OPCML: variants seen among roughly 807,000 people sequenced by gnomAD.
The protein encoded by OPCML is opioid-binding protein/cell adhesion molecule.
Under a neutral mutation model 37.8 loss-of-function variants are expected in OPCML, and 13 were observed. The ratio of observed to expected loss-of-function variants is 0.34; its 90% CI spans 0.22 to 0.55. The LOEUF is 0.55. Among genes scored for constraint, OPCML ranks in the 20% least tolerant of loss-of-function variants. The pLI, the probability that OPCML is intolerant of heterozygous loss-of-function variation, is 0.91. For missense variants in OPCML, 341 were observed against 435.6 expected, an observed-to-expected ratio of 0.78 and a Z score of 1.93; for synonymous variants, 176 against 168.8, an observed-to-expected ratio of 1.04 and a Z score of -0.33.
chr11:132,496,268 A>G (rs887696328), intron 4 of OPCML, among the ~76,000 whole-genome samples: 1 of 152,212 alleles, frequency 6.6e-6, no homozygotes, highest in Non-Finnish European at 1.5e-5. Flanking sequence ...TAAAAGTGCT[A>G]TATGTCTGAA....
intron 3 of OPCML, among the ~76,000 whole-genome samples, chr11:132,536,405 G>A (rs1243617480): frequency 3.3e-5 from 5 of 152,134 alleles, no homozygotes; most frequent in African/African-American, 1.2e-4. Context: ...AAGCCATTAA[G>A]TTTCAGCTTC....
intron 1 of OPCML, among the ~76,000 whole-genome samples, chr11:133,312,016 G>A (rs1287571309): frequency 1.3e-5 from 2 of 152,184 alleles, no homozygotes; most frequent in Non-Finnish European, 1.5e-5. Flanking sequence ...CTTATGTCAA[G>A]CTGAGCTGGC....
intron 1 of OPCML, among the ~76,000 whole-genome samples, chr11:133,097,206 A>G (rs1003870978): frequency 6.6e-6 from 1 of 152,224 alleles, no homozygotes; most frequent in Non-Finnish European, 1.5e-5. Context: ...GTGATCTCAC[A>G]TCAAAATGTA....
chr11:132,744,799 G>A (rs1421088583), intron 2 of OPCML, among the ~76,000 whole-genome samples: 2 of 152,246 alleles, frequency 1.3e-5, no homozygotes, highest in Non-Finnish European at 2.9e-5. Flanking sequence ...AAAATATAAA[G>A]TGGGGGAATG....
At chr11:132,546,802 C>T (rs540378354) in intron 3 of OPCML, among the ~76,000 whole-genome samples, 44 of 152,038 alleles carry the variant, frequency 2.9e-4, no homozygotes, top group African/African-American at 8.5e-4. Flanking sequence ...AGCACAGTGC[C>T]GGGGGTGGTG....
chr11:133,041,883 G>A (rs1278149661), intron 1 of OPCML, among the ~76,000 whole-genome samples: 1 of 152,132 alleles, frequency 6.6e-6, no homozygotes, highest in Non-Finnish European at 1.5e-5. Flanking sequence ...GGTGCTTAGA[G>A]CCCTCAAGAA....
At position 133,349,319 on chromosome 11, in the gene OPCML, T is replaced by C. The variant is rs1458172971; in HGVS notation, c.61+182945A>G. On this transcript the variant is annotated intron_variant, in intron 1 of 7. Transcript: ENST00000524381. ...TTTATAGACTTAGCAATGCACAGTT[T>C]TGAGGGAGATGTTTAACTTTTTAAG... is the stretch of plus-strand genomic sequence containing the variant. Among the ~76,000 whole-genome samples the C allele has an allele frequency of 2.0e-5, 3 of 152,248 alleles. No homozygotes were observed. The East Asian group carries it at 5.8e-4, about 29-fold the overall frequency.
In OPCML at chr11:132,875,904, C is replaced by T. The variant is rs1196977391; in HGVS notation, c.146+67022G>A. Among the ~76,000 whole-genome samples, 5 of 152,284 alleles carry T rather than the reference C, an allele frequency of 3.3e-5. No individual in the cohort carries two copies. The South Asian group carries it at 6.2e-4, about 19-fold the overall frequency. ...GACTTTCAAGCATCAACAACCATAT[C>T]GACATACAAACTGCATTATTGCAAC... On this transcript the variant is annotated intron_variant, in intron 2 of 7. Coordinates refer to ENST00000524381, the MANE Select transcript of OPCML (RefSeq NM_001012393.5).
At chr11:133,092,568 A>T (rs191869598) in intron 1 of OPCML, among the ~76,000 whole-genome samples, 161 of 152,244 alleles carry the variant, frequency 1.1e-3, no homozygotes, top group African/African-American at 3.6e-3. Flanking sequence ...TCTACTAAAA[A>T]TACAAAAATT....
chr11:132,426,728 G>A (rs1037584603), intron 7 of OPCML, among the ~76,000 whole-genome samples: 14 of 152,268 alleles, frequency 9.2e-5, no homozygotes, highest in African/African-American at 3.4e-4. Flanking sequence ...CACCACGCCT[G>A]GCCTAAACAT....
At chr11:132,984,981 C>T (rs1444977193) in intron 1 of OPCML, among the ~76,000 whole-genome samples, 1 of 152,264 alleles carries the variant, frequency 6.6e-6, no homozygotes, top group East Asian at 1.9e-4. Flanking sequence ...CGTAGAACAC[C>T]TGCTCCTTCC....
chr11:132,555,474 C>G (rs1047818275), intron 3 of OPCML, among the ~76,000 whole-genome samples: 11 of 152,146 alleles, frequency 7.2e-5, no homozygotes, highest in African/African-American at 2.7e-4. Flanking sequence ...TCCCATAATT[C>G]AATTATCTCC....
chr11:132,760,669 C>G (rs1946230975), intron 2 of OPCML, among the ~76,000 whole-genome samples: 1 of 150,784 alleles, frequency 6.6e-6, no homozygotes, highest in African/African-American at 2.4e-5. Flanking sequence ...ATTCCTCCAT[C>G]CCTATATTTT....
chr11:133,085,529 A>G (rs1948805944), intron 1 of OPCML, among the ~76,000 whole-genome samples: 1 of 152,226 alleles, frequency 6.6e-6, no homozygotes, highest in Admixed American at 6.5e-5. Flanking sequence ...AGAGCTTTCA[A>G]TGCATTTGGC....
intron 2 of OPCML, among the ~76,000 whole-genome samples, chr11:132,812,687 G>A (rs1243327632): frequency 6.6e-6 from 1 of 152,176 alleles, no homozygotes; most frequent in Non-Finnish European, 1.5e-5. Context: ...TTAATTGCCT[G>A]CTCTTTGGAA....
At chr11:132,481,516 A>G (rs1414393665) in intron 4 of OPCML, among the ~76,000 whole-genome samples, 5 of 150,218 alleles carry the variant, frequency 3.3e-5, no homozygotes, top group Admixed American at 3.3e-4. Flanking sequence ...TGAACGAGAC[A>G]GAAAGTCAAC....
intron 2 of OPCML, among the ~76,000 whole-genome samples, chr11:132,683,586 C>G (rs916955133): frequency 6.6e-6 from 1 of 152,262 alleles, no homozygotes; most frequent in South Asian, 2.1e-4. Flanking sequence ...GGGATGACAC[C>G]ATCTCAGACT....
chr11:132,865,630 A>T (rs1486539908), intron 2 of OPCML, among the ~76,000 whole-genome samples: 1 of 152,136 alleles, frequency 6.6e-6, no homozygotes, highest in Non-Finnish European at 1.5e-5. Context: ...AGACGCTATT[A>T]TCAGTCCTCT....
intron 1 of OPCML, among the ~76,000 whole-genome samples, chr11:133,353,993 T>C (rs1333470592): frequency 3.9e-5 from 1 of 25,802 alleles, no homozygotes; most frequent in Non-Finnish European, 8.9e-5. Context: ...TTTTCCCACA[T>C]TTTTTTTGCC....
Sources: allele counts gnomAD v4.1 joint callset (sites outside exome capture counted in the v4.1 genomes callset), GRCh38; gene constraint gnomAD v4.1.1; transcripts MANE v1.5; gene names NCBI Gene and HGNC (gene_info 2026-07-23, HGNC 2026-07-21).